Variants in NATD1 observed in about 807,000 individuals in gnomAD.
The protein encoded by NATD1 is protein NATD1.
Under a neutral mutation model 12.0 loss-of-function variants are expected in NATD1, and 9 were observed. The ratio of observed to expected loss-of-function variants is 0.75; its 90% CI spans 0.45 to 1.30. The LOEUF (loss-of-function observed/expected upper bound fraction) is 1.30, where lower values mean the gene tolerates loss of function less well. Ranked by LOEUF, NATD1 falls within the 50% of genes most tolerant of loss-of-function variation. The pLI, the probability that NATD1 is intolerant of heterozygous loss-of-function variation, is 0.00. For missense variants in NATD1, 148 were observed against 148.5 expected, an observed-to-expected ratio of 1.00 and a Z score of 0.02; for synonymous variants, 71 against 65.9, an observed-to-expected ratio of 1.08 and a Z score of -0.37.
At chr17:21,251,296 A>AAG (rs1461556586) in intron 1 of NATD1, among the ~76,000 whole-genome samples, 3 of 149,486 alleles carry the variant, frequency 2.0e-5, no homozygotes, top group Middle Eastern at 3.5e-3. Context: ...AGAAAAAGAA[A>AAG]AAAAAAAAAA....
rs1975261459 is a variant in NATD1 at position 21,240,689 on chromosome 17, T to G, written c.*2624A>C. On this transcript the variant is annotated 3_prime_UTR_variant, in exon 3 of 3. Transcript: ENST00000611551. ...GACCTGCAGGCCCCTGAGCATCCCC[T>G]GCCCCAGTCAGGTTCTCGCCCAGGT... The G allele has an allele frequency of 6.6e-6, 1 of 152,216 alleles. No homozygotes were observed. The highest frequency in any genetic ancestry group is 1.9e-4 in the East Asian group (1 of 5,176). 9.4% of individuals were successfully genotyped at this position (152,216 alleles called of 1,614,324 possible).
rs1159982875 is a variant in NATD1, at chr17:21,244,090, C to A, written c.225+16G>T. On this transcript the variant is annotated intron_variant, in intron 2 of 2. Coordinates refer to ENST00000611551, the MANE Select transcript of NATD1 (RefSeq NM_152914.3). This position sits in a 1 kb window ranked among gnomAD's most constrained non-coding sequence, Gnocchi z 5.2. The stretch of plus-strand genomic sequence containing the variant: ...TGTCCCCGTCCCCGCTTGGCCCTGC[C>A]ACCTGCCTGCCCTACCTTGGCAAGG... 1.9e-6 allele frequency: 3 copies of A among 1,602,770 alleles called. No individual in the cohort carries two copies. Among genetic ancestry groups the A allele is most frequent in the Non-Finnish European group, 2.6e-6 (3 of 1,173,672 alleles).
Position 21,244,158 on chromosome 17 carries a change from G to T in NATD1, c.173C>A (p.Thr58Asn). Reference sequence around the variant, plus strand: ...CCCACGGTAGGCATCTGGGACCTCGGTGTGCTGCAGGTCCACGATCCGCTT... The same window carrying T: ...CCCACGGTAGGCATCTGGGACCTCGTTGTGCTGCAGGTCCACGATCCGCTT... ...VGKRIVDLQH[T>N]EVPDAYRGRG... The change falls in exon 2 of 3, where the codon ACC (threonine) becomes AAC (asparagine). Residue 58 changes from threonine (T) to asparagine (N), a missense_variant. Physicochemically the swap from Thr to Asn is moderately conservative, Grantham distance 65. Coordinates refer to ENST00000611551, the MANE Select transcript of NATD1 (RefSeq NM_152914.3). The surrounding 1 kb of genome is among the most constrained non-coding windows in gnomAD (Gnocchi z 5.2). The T allele has an allele frequency of 6.2e-7, 1 of 1,613,178 alleles. No individual in the cohort carries two copies. Among genetic ancestry groups the T allele is most frequent in the Non-Finnish European group, 8.5e-7 (1 of 1,179,842 alleles).
intron 1 of NATD1, among the ~76,000 whole-genome samples, chr17:21,249,131 G>A (rs1390191117): frequency 6.6e-6 from 1 of 152,000 alleles, no homozygotes; most frequent in Non-Finnish European, 1.5e-5. Context: ...CAGGACCTCT[G>A]GGAGATGTGG....
At position 21,244,114 on chromosome 17, in the gene NATD1, G is replaced by A; in HGVS notation, c.217C>T (p.Leu73Phe). 1.9e-6 allele frequency: 3 copies of A among 1,611,452 alleles called. No individual in the cohort carries two copies. Among genetic ancestry groups the A allele is most frequent in the Non-Finnish European group, 2.5e-6 (3 of 1,179,014 alleles). Residue 73 changes from leucine (L) to phenylalanine (F), a missense_variant, in exon 2 of 3, where the codon CTT becomes TTT. Transcript: ENST00000611551. The surrounding 1 kb of genome is among the most constrained non-coding windows in gnomAD (Gnocchi z 5.2). ...CCACCTGCCTGCCCTACCTTGGCAA[G>A]GTGCTTGGCGATGCCACGCCCACGG... ...AYRGRGIAKH[L>F]AKAALDFVVE...
In NATD1 at chr17:21,240,459, A is replaced by C. The variant is rs1159367240; in HGVS notation, c.*2854T>G. 6.6e-6 allele frequency: 1 copy of C among 152,578 alleles called. No individual in the cohort carries two copies. The highest frequency in any genetic ancestry group is 2.1e-4 in the South Asian group (1 of 4,840). 9.5% of individuals were successfully genotyped at this position (152,578 alleles called of 1,614,324 possible). On this transcript the variant is annotated 3_prime_UTR_variant, in exon 3 of 3. Coordinates refer to ENST00000611551, the MANE Select transcript of NATD1 (RefSeq NM_152914.3). ...AGCGACAGCGTGCAGACAGCACTGC[A>C]TGCCAGGCCACACCTTTTATGGAAA...
intron 1 of NATD1, among the ~76,000 whole-genome samples, chr17:21,248,557 CCT>C (rs1271569444): frequency 1.3e-5 from 2 of 152,206 alleles, no homozygotes; most frequent in Non-Finnish European, 2.9e-5. Context: ...AGAAGCCTCC[CCT>C]GACCACCCGC....
intron 1 of NATD1, among the ~76,000 whole-genome samples, chr17:21,245,413 C>T (rs1253606742): frequency 6.6e-6 from 1 of 152,196 alleles, no homozygotes; most frequent in Non-Finnish European, 1.5e-5. Context: ...AGAAAATCTG[C>T]CCTTAAAGCC....
intron 1 of NATD1, among the ~76,000 whole-genome samples, chr17:21,251,927 G>A (rs897545487): frequency 1.3e-5 from 2 of 152,224 alleles, no homozygotes; most frequent in Non-Finnish European, 1.5e-5. Context: ...CCACTGGGGC[G>A]AGGTGGGCCA....
chr17:21,245,432 G>C (rs1282221674), intron 1 of NATD1, among the ~76,000 whole-genome samples: 2 of 152,172 alleles, frequency 1.3e-5, no homozygotes, highest in Non-Finnish European at 2.9e-5. Context: ...CCTGTGCTGG[G>C]CAACACGAGG....
chr17:21,246,093 T>C (rs564002720), intron 1 of NATD1, among the ~76,000 whole-genome samples: 14 of 152,248 alleles, frequency 9.2e-5, no homozygotes, highest in Non-Finnish European at 1.5e-4. Context: ...CCCAGGCTCA[T>C]TGAGGGCCTA....
At chr17:21,251,299 A>G (rs1254075946) in intron 1 of NATD1, among the ~76,000 whole-genome samples, 4 of 151,640 alleles carry the variant, frequency 2.6e-5, no homozygotes, top group East Asian at 1.9e-4. Flanking sequence ...AAAAGAAAAA[A>G]AAAAAAAAAA....
chr17:21,243,123 C>A lies in NATD1; in HGVS notation c.*190G>T. 3.6e-6 allele frequency: 2 copies of A among 548,358 alleles called. No homozygotes were observed. Among genetic ancestry groups the A allele is most frequent in the Non-Finnish European group, 3.3e-6 (1 of 306,284 alleles). The allele number at this position is 548,358 out of a possible 1,614,324, so 34.0% of individuals were successfully genotyped here. A position where few individuals can be genotyped will look rare whatever the true frequency, so the allele number is the denominator to read the frequency against. ...GGACTACCTGGCCTCCTTGCCGCCTCGGTTACCGGGTCACCGCCCATCATT... is the reference window on the plus strand; with the variant it reads ...GGACTACCTGGCCTCCTTGCCGCCTAGGTTACCGGGTCACCGCCCATCATT... On this transcript the variant is annotated 3_prime_UTR_variant, in exon 3 of 3. Transcript: ENST00000611551.
chr17:21,245,229 T>G (rs1975315162), intron 1 of NATD1, among the ~76,000 whole-genome samples: 2 of 144,214 alleles, frequency 1.4e-5, no homozygotes, highest in African/African-American at 2.6e-5. Context: ...GCCGCTGGAG[T>G]GGGGTGGGTG....
intron 2 of NATD1, among the ~76,000 whole-genome samples, 155 bp from the exon 3 acceptor site, chr17:21,243,584 C>T (rs1031852417): frequency 6.6e-6 from 1 of 152,194 alleles, no homozygotes; most frequent in Non-Finnish European, 1.5e-5. Flanking sequence ...TGGGATGATC[C>T]CCACAGACTG....
rs1975239822 is a variant in NATD1 at position 21,239,144 on chromosome 17, T to A, written c.*4169A>T. On this transcript the variant is annotated 3_prime_UTR_variant, in exon 3 of 3. Transcript: ENST00000611551. ...TACATGGTCAGGGGCTCCATGAATA[T>A]TCCTGCCTGCAACCCCAGCTTCACA... The A allele has an allele frequency of 6.6e-6, 1 of 152,164 alleles. No individual in the cohort carries two copies. Among genetic ancestry groups the A allele is most frequent in the Non-Finnish European group, 1.5e-5 (1 of 68,042 alleles). The allele number at this position is 152,164 out of a possible 1,614,324, so 9.4% of individuals were successfully genotyped here. A position where few individuals can be genotyped will look rare whatever the true frequency, so the allele number is the denominator to read the frequency against.
chr17:21,241,901 C>A lies in NATD1; in HGVS notation c.*1412G>T, dbSNP rs142588271. ...CAAGGAGGTGAGTGGGAAATGCAAC[C>A]ACAGGCCAGCCAGCGCCCGTGCATG... is the stretch of plus-strand genomic sequence containing the variant. On this transcript the variant is annotated 3_prime_UTR_variant, in exon 3 of 3. Coordinates refer to ENST00000611551, the MANE Select transcript of NATD1 (RefSeq NM_152914.3). 2.3e-3 allele frequency: 348 copies of A among 152,740 alleles called. 1 individual carries two copies. The highest frequency in any genetic ancestry group is 8.1e-3 in the African/African-American group (335 of 41,532). 9.5% of individuals were successfully genotyped at this position (152,740 alleles called of 1,614,324 possible).
intron 1 of NATD1, among the ~76,000 whole-genome samples, chr17:21,251,858 C>T (rs1167912388): frequency 3.3e-5 from 5 of 152,224 alleles, no homozygotes; most frequent in Non-Finnish European, 7.3e-5. Context: ...TGGCCCTCCA[C>T]CTTCCCTTCT....
intron 1 of NATD1, among the ~76,000 whole-genome samples, chr17:21,246,284 T>C (rs141064335): frequency 0.022 from 3,383 of 152,042 alleles, 129 homozygotes; most frequent in African/African-American, 0.078. Flanking sequence ...GAGGCCGAGG[T>C]GGGTGGATCA....
Sources: allele counts gnomAD v4.1 joint callset (sites outside exome capture counted in the v4.1 genomes callset), GRCh38; gene constraint gnomAD v4.1.1; non-coding constraint Gnocchi (gnomAD v3.1); transcripts MANE v1.5; gene names NCBI Gene and HGNC (gene_info 2026-07-23, HGNC 2026-07-21).